WDFY4: variants seen among roughly 807,000 people sequenced by gnomAD.
The protein encoded by WDFY4 is WDFY family member 4, also known as WD repeat- and FYVE domain-containing protein 4.
A neutral mutation model predicts 351.9 loss-of-function variants in WDFY4; 169 were observed. The ratio of observed to expected loss-of-function variants is 0.48; its 90% confidence interval spans 0.42 to 0.55. The LOEUF (loss-of-function observed/expected upper bound fraction) is 0.55. Among genes scored for constraint, WDFY4 ranks in the 20% least tolerant of loss-of-function variants. The pLI, the probability that WDFY4 is intolerant of heterozygous loss-of-function variation, is 0.00. For synonymous variants in WDFY4, 1,622 were observed against 1,574.6 expected (o/e 1.03, Z -0.71); for missense variants, 3,803 against 3,935.6 (o/e 0.97, Z 0.90).
intron 53 of WDFY4, among the ~76,000 whole-genome samples, chr10:48,962,858 G>A (rs1366373027): frequency 2.0e-5 from 3 of 152,200 alleles, no homozygotes; most frequent in East Asian, 1.9e-4. Context: ...CTGTGAGTGC[G>A]TGGGTGAGAA....
chr10:48,710,058 A>C, intron 2 of WDFY4, 92 bp downstream of exon 2: 2 of 1,211,270 alleles, frequency 1.7e-6, no homozygotes, highest in Non-Finnish European at 2.3e-6. Flanking sequence ...TTTTAATGTC[A>C]TCCCAAGTGG....
chr10:48,743,498 T>C lies in WDFY4; in HGVS notation c.2409T>C (p.Thr803=). The C allele has an allele frequency of 6.5e-7, 1 of 1,542,636 alleles. No homozygotes were observed. Among genetic ancestry groups the C allele is most frequent in the Non-Finnish European group, 8.7e-7 (1 of 1,146,648 alleles). ...TTGTGGATGTTCAGAAGGGAGAAACTGGCAGTGACCCCCAACGCAACTTCA... is the reference window on the plus strand; with the variant it reads ...TTGTGGATGTTCAGAAGGGAGAAACCGGCAGTGACCCCCAACGCAACTTCA... ...GPVVDVQKGE[T]GSDPQRNFKQ... is the part of the protein sequence containing the mutation. Residue 803 remains threonine, a synonymous_variant, in exon 12 of 62, where the codon ACT becomes ACC. Coordinates refer to ENST00000325239, the MANE Select transcript of WDFY4 (RefSeq NM_001394531.1).
intron 1 of WDFY4, among the ~76,000 whole-genome samples, chr10:48,701,673 T>G (rs974862451): frequency 1.3e-5 from 2 of 152,122 alleles, no homozygotes; most frequent in African/African-American, 4.8e-5. Context: ...AAAGAGGAAG[T>G]GTGGTTAAGG....
chr10:48,705,668 C>T (rs556238926), intron 1 of WDFY4, among the ~76,000 whole-genome samples: 8 of 152,242 alleles, frequency 5.3e-5, no homozygotes, highest in East Asian at 3.9e-4. Context: ...TTCAGGGGTC[C>T]GCATTAGTTA....
At chr10:48,690,544 C>T (rs145570395) in intron 1 of WDFY4, among the ~76,000 whole-genome samples, 3 of 152,148 alleles carry the variant, frequency 2.0e-5, no homozygotes, top group East Asian at 1.9e-4. Flanking sequence ...AAAAGGAGAC[C>T]TAGTGGGTAG....
chr10:48,900,150 C>T, intron 45 of WDFY4, 71 bp from the exon 46 acceptor site: 1 of 1,368,586 alleles, frequency 7.3e-7, no homozygotes, highest in East Asian at 2.5e-5. Context: ...CCATTTCCAG[C>T]AGCTGTGTCA....
chr10:48,802,762 A>G (rs2067125974), intron 24 of WDFY4: 1 of 471,516 alleles, frequency 2.1e-6, no homozygotes, highest in Admixed American at 2.3e-5. Context: ...TTTGGGCTGA[A>G]GAATGTGTTG....
chr10:48,940,662 G>A (rs1840705592), intron 47 of WDFY4, among the ~76,000 whole-genome samples: 1 of 152,132 alleles, frequency 6.6e-6, no homozygotes. Flanking sequence ...GATATGATTT[G>A]GCTTGGTGTG....
At chr10:48,890,757 T>C in intron 44 of WDFY4, 30 bp downstream of exon 44, 1 of 1,550,960 alleles carries the variant, frequency 6.4e-7, no homozygotes, top group Non-Finnish European at 8.7e-7. Flanking sequence ...CAGCAGATTC[T>C]TCCCTGAGCC....
chr10:48,830,641 GC>G (rs1221443273), intron 37 of WDFY4, 58 bp from the exon 38 acceptor site: 2 of 1,515,356 alleles, frequency 1.3e-6, no homozygotes, highest in Admixed American at 4.0e-5. Flanking sequence ...CCATCTCCCA[GC>G]CCTCTCTGGG....
chr10:48,709,568 A>C, intron 1 of WDFY4, 148 bp from the exon 2 acceptor site: 1 of 668,480 alleles, frequency 1.5e-6, no homozygotes, highest in East Asian at 2.7e-5. Flanking sequence ...CTTTTTAAAA[A>C]GGCTTCCTTA....
At chr10:48,929,906 C>A (rs1839887134) in intron 47 of WDFY4, among the ~76,000 whole-genome samples, 2 of 152,112 alleles carry the variant, frequency 1.3e-5, no homozygotes, top group Admixed American at 1.3e-4. Flanking sequence ...CTGACCTTCC[C>A]CCACACACTG....
intron 49 of WDFY4, 101 bp from the exon 50 acceptor site, chr10:48,945,939 T>G: frequency 1.2e-6 from 1 of 808,448 alleles, no homozygotes; most frequent in South Asian, 2.2e-5. Flanking sequence ...TCAGACCAAA[T>G]GACTGTAAAT....
In WDFY4 at chr10:48,951,382, C is replaced by T. The variant is rs576655313; in HGVS notation, c.7977+4413C>T. Among the ~76,000 whole-genome samples the T allele has an allele frequency of 1.4e-3, 220 of 152,244 alleles. 2 individuals carry two copies. Among genetic ancestry groups the T allele is most frequent in the Admixed American group, 0.012 (187 of 15,290 alleles). On this transcript the variant is annotated intron_variant, in intron 51 of 61. Coordinates refer to ENST00000325239, the MANE Select transcript of WDFY4 (RefSeq NM_001394531.1). The stretch of plus-strand genomic sequence containing the variant: ...GTCTGCCAGGGCAGAGGGCTTATCT[C>T]CCCCAGCAGCAGCCCCAAGATGCTG...
intron 43 of WDFY4, among the ~76,000 whole-genome samples, chr10:48,888,729 C>T (rs1021668910): frequency 2.6e-5 from 4 of 152,330 alleles, no homozygotes; most frequent in African/African-American, 4.8e-5. Context: ...TGGATGTCCC[C>T]GTTCCTTGAA....
chr10:48,945,100 G>A (rs1231655656), intron 49 of WDFY4, among the ~76,000 whole-genome samples: 2 of 152,200 alleles, frequency 1.3e-5, no homozygotes, highest in African/African-American at 4.8e-5. Flanking sequence ...TATGAGCCAG[G>A]CGCAGTGGCT....
intron 32 of WDFY4, among the ~76,000 whole-genome samples, chr10:48,818,855 G>A (rs1180386236): frequency 6.6e-6 from 1 of 152,246 alleles, no homozygotes; most frequent in Non-Finnish European, 1.5e-5. Flanking sequence ...GTTTGCAGGA[G>A]AGAGGTGGGA....
At chr10:48,859,061 C>A (rs190248697) in intron 39 of WDFY4, among the ~76,000 whole-genome samples, 6 of 151,846 alleles carry the variant, frequency 4.0e-5, no homozygotes, top group Non-Finnish European at 7.4e-5. Context: ...ATCCTGTGAC[C>A]GCATTTTTTT....
intron 15 of WDFY4, among the ~76,000 whole-genome samples, chr10:48,776,508 G>A (rs1160875285): frequency 6.6e-6 from 1 of 152,238 alleles, no homozygotes; most frequent in African/African-American, 2.4e-5. Context: ...AAAGGGATCT[G>A]TGCTGGAATG....
Sources: allele counts gnomAD v4.1 joint callset (sites outside exome capture counted in the v4.1 genomes callset), GRCh38; gene constraint gnomAD v4.1.1; transcripts MANE v1.5; gene names NCBI Gene and HGNC (gene_info 2026-07-23, HGNC 2026-07-21).